RNF216: variants seen among roughly 807,000 people sequenced by gnomAD.
The protein encoded by RNF216 is E3 ubiquitin-protein ligase RNF216.
In RNF216, 72 loss-of-function variants were observed where a neutral mutation model predicts 110.8. That is an observed-to-expected ratio of 0.65 (90% CI 0.54 to 0.79). The LOEUF (loss-of-function observed/expected upper bound fraction) is 0.79, where lower values mean the gene tolerates loss of function less well. RNF216 is among the 30% of genes least tolerant of loss of function. The probability of loss-of-function intolerance (pLI) is 0.00; values close to 1 mark genes in which losing one functional copy is unlikely to be tolerated. For synonymous variants in RNF216, 495 were observed against 407.5 expected, an observed-to-expected ratio of 1.21 and a Z score of -2.59; for missense variants, 1,342 against 1,141.2, an observed-to-expected ratio of 1.18 and a Z score of -2.54.
At chr7:5,715,872 G>A (rs913807487) in intron 10 of RNF216, among the ~76,000 whole-genome samples, 27 of 150,696 alleles carry the variant, frequency 1.8e-4, no homozygotes, top group African/African-American at 6.1e-4. Context: ...CTCCCGAGTA[G>A]TGGGGATTAC....
At chr7:5,778,247 T>C (rs17135759) in intron 1 of RNF216, among the ~76,000 whole-genome samples, 1,903 of 152,288 alleles carry the variant, frequency 0.012, 43 homozygotes, top group African/African-American at 0.044. Flanking sequence ...TTCAGTTCCA[T>C]GACTTGCTCC....
intron 7 of RNF216, among the ~76,000 whole-genome samples, chr7:5,725,993 T>C (rs1793730007): frequency 6.6e-6 from 1 of 152,104 alleles, no homozygotes; most frequent in African/African-American, 2.4e-5. Context: ...AGAAAAACTG[T>C]TGGCTGGGTG....
intron 11 of RNF216, 97 bp from the exon 12 acceptor site, chr7:5,712,960 T>A: frequency 9.1e-7 from 1 of 1,104,288 alleles, no homozygotes; most frequent in Non-Finnish European, 1.3e-6. Context: ...TGAGACAACA[T>A]AGCAAGGATC....
chr7:5,662,206 C>T (rs966927883), intron 13 of RNF216, among the ~76,000 whole-genome samples: 6 of 152,220 alleles, frequency 3.9e-5, no homozygotes, highest in African/African-American at 1.2e-4. Context: ...CCCTTTCTTA[C>T]TGGTAACGAT....
In RNF216 at chr7:5,622,637, T is replaced by A; in HGVS notation, c.*223A>T. 3.6e-6 allele frequency: 2 copies of A among 548,884 alleles called. No individual in the cohort carries two copies. Among genetic ancestry groups the A allele is most frequent in the Non-Finnish European group, 6.5e-6 (2 of 309,158 alleles). 34.0% of individuals were successfully genotyped at this position (548,884 alleles called of 1,614,324 possible). On this transcript the variant is annotated 3_prime_UTR_variant, in exon 17 of 17. Coordinates refer to ENST00000389902, the MANE Select transcript of RNF216 (RefSeq NM_207111.4). ...GATGCGAGGGGAGGGGCAGTTCACA[T>A]CGCAGCTCTCTCCGAACTCCACCAT...
At chr7:5,769,149 C>G (rs890470045) in intron 1 of RNF216, among the ~76,000 whole-genome samples, 1 of 150,172 alleles carries the variant, frequency 6.7e-6, no homozygotes, top group African/African-American at 2.5e-5. Context: ...GACGGAGTTC[C>G]CCTCTGTTGC....
At chr7:5,721,543 T>C (rs570973318) in intron 8 of RNF216, among the ~76,000 whole-genome samples, 3 of 152,352 alleles carry the variant, frequency 2.0e-5, no homozygotes, top group South Asian at 2.1e-4. Flanking sequence ...GGTGAATGTA[T>C]GTCCGCAATT....
intron 13 of RNF216, among the ~76,000 whole-genome samples, chr7:5,654,702 A>T (rs1197257450): frequency 6.7e-6 from 1 of 150,184 alleles, no homozygotes; most frequent in African/African-American, 2.4e-5. Context: ...AAAAAAAAAA[A>T]AAAAAAAAAA....
chr7:5,767,363 G>T (rs1165934154), intron 1 of RNF216, among the ~76,000 whole-genome samples: 1 of 152,128 alleles, frequency 6.6e-6, no homozygotes, highest in East Asian at 1.9e-4. Flanking sequence ...ATTTCAATGG[G>T]CTGAGGAGTT....
rs2128664420 is a variant in RNF216 at position 5,753,094 on chromosome 7, CG to C, written c.68-116del. ...GCCAACTTCATGGCTACTAGTGTAA[CG>C]TACCTCCTCAAGCAGCCCGTGCACT... On this transcript the variant is annotated intron_variant, in intron 2 of 16. Transcript: ENST00000389902. 4.0e-6 allele frequency: 4 copies of C among 1,007,364 alleles called. No homozygotes were observed. In the East Asian group the frequency reaches 1.1e-4, roughly 27 times the overall value. 62.4% of individuals were successfully genotyped at this position (1,007,364 alleles called of 1,614,324 possible). A position where few individuals can be genotyped will look rare whatever the true frequency, so the allele number is the denominator to read the frequency against.
At chr7:5,764,338 TA>T (rs1318383223) in intron 1 of RNF216, among the ~76,000 whole-genome samples, 4 of 149,180 alleles carry the variant, frequency 2.7e-5, no homozygotes, top group African/African-American at 9.9e-5. Flanking sequence ...CTACCAGAGG[TA>T]AAACAAAGAT....
intron 7 of RNF216, among the ~76,000 whole-genome samples, chr7:5,729,161 G>C (rs1463275309): frequency 6.6e-6 from 1 of 152,150 alleles, no homozygotes; most frequent in South Asian, 2.1e-4. Context: ...GCATTAGAAT[G>C]CATCTTTCAC....
chr7:5,652,189 C>T (rs1788432769), intron 14 of RNF216, among the ~76,000 whole-genome samples: 1 of 152,162 alleles, frequency 6.6e-6, no homozygotes. Flanking sequence ...ATTGAATTCA[C>T]AGGTGCCAGG....
At chr7:5,751,478 T>C (rs1795325033) in intron 3 of RNF216, among the ~76,000 whole-genome samples, 1 of 152,126 alleles carries the variant, frequency 6.6e-6, no homozygotes, top group Admixed American at 6.5e-5. Flanking sequence ...GTTCATTTGA[T>C]CTTCCTAGAA....
At chr7:5,768,870 C>T (rs1380572692) in intron 1 of RNF216, among the ~76,000 whole-genome samples, 2 of 151,582 alleles carry the variant, frequency 1.3e-5, no homozygotes, top group Non-Finnish European at 2.9e-5. Flanking sequence ...ACCATGTTAG[C>T]CAGGATGGTC....
chr7:5,641,585 G>T (rs779958992), intron 14 of RNF216, among the ~76,000 whole-genome samples: 10 of 152,136 alleles, frequency 6.6e-5, no homozygotes, highest in Non-Finnish European at 1.5e-4. Flanking sequence ...CCTGCCTGGA[G>T]ACTCAGTTTC....
At chr7:5,736,319 G>C (rs901768498) in intron 5 of RNF216, among the ~76,000 whole-genome samples, 7 of 152,156 alleles carry the variant, frequency 4.6e-5, no homozygotes, top group African/African-American at 1.7e-4. Context: ...ATGGGGTTTC[G>C]CTGTGTTGGC....
chr7:5,627,578 TCTA>T (rs1277369013), intron 15 of RNF216, among the ~76,000 whole-genome samples: 2 of 152,030 alleles, frequency 1.3e-5, no homozygotes, highest in Admixed American at 6.6e-5. Context: ...AAACCCTGTC[TCTA>T]CTAACAATAC....
intron 13 of RNF216, among the ~76,000 whole-genome samples, chr7:5,700,672 A>C (rs1411042535): frequency 6.6e-6 from 1 of 152,188 alleles, no homozygotes; most frequent in Non-Finnish European, 1.5e-5. Context: ...TTAAAAATCC[A>C]CAGAGAATCT....
Sources: gnomAD v4.1 joint callset for allele counts (sites outside exome capture counted in the v4.1 genomes callset) on GRCh38, gnomAD v4.1.1 for gene constraint, MANE v1.5 for transcripts, NCBI Gene and HGNC (gene_info 2026-07-23, HGNC 2026-07-21) for gene names.